RBFOX1: variants seen among roughly 807,000 people sequenced by gnomAD.
RBFOX1 encodes RNA binding protein fox-1 homolog 1.
RBFOX1 carries 8 observed loss-of-function variants against 57.7 expected under a neutral mutation model. That is an observed-to-expected ratio of 0.14 (90% confidence interval 0.08 to 0.25). The LOEUF is 0.25. Ranked by LOEUF, RBFOX1 falls within the 10% of genes least tolerant of loss-of-function variation. RBFOX1 has a pLI of 1.00. For missense variants in RBFOX1, 611 were observed against 548.5 expected (o/e 1.11, Z -1.14); for synonymous variants, 326 against 222.4 (o/e 1.47, Z -4.15).
chr16:7,681,951 A>G (rs1471020380), intron 14 of RBFOX1, among the ~76,000 whole-genome samples: 1 of 152,122 alleles, frequency 6.6e-6, no homozygotes, highest in African/African-American at 2.4e-5. Context: ...ATCTTATTCT[A>G]GTGCCGTATT....
At chr16:5,846,786 G>A (rs1353248408) in intron 3 of RBFOX1, among the ~76,000 whole-genome samples, 2 of 152,212 alleles carry the variant, frequency 1.3e-5, no homozygotes, top group Non-Finnish European at 2.9e-5. Flanking sequence ...GACCACATAG[G>A]TCACTGAAAA....
intron 3 of RBFOX1, among the ~76,000 whole-genome samples, chr16:6,930,667 C>T (rs139781887): frequency 5.6e-4 from 85 of 152,268 alleles, no homozygotes; most frequent in South Asian, 5.2e-3. Flanking sequence ...GCCTTGGCCT[C>T]CCAAGTTGCT....
chr16:6,120,230 A>C (rs1597480826), intron 1 of RBFOX1, among the ~76,000 whole-genome samples: 1 of 152,312 alleles, frequency 6.6e-6, no homozygotes, highest in African/African-American at 2.4e-5. Flanking sequence ...AATAGCTGCT[A>C]TGAATATTTA....
intron 3 of RBFOX1, among the ~76,000 whole-genome samples, chr16:5,753,332 T>A (rs2053279132): frequency 6.6e-6 from 1 of 152,190 alleles, no homozygotes; most frequent in Non-Finnish European, 1.5e-5. Flanking sequence ...ATAAATTGTC[T>A]ATGAATTTTA....
intron 4 of RBFOX1, among the ~76,000 whole-genome samples, chr16:7,243,660 A>T (rs2094164942): frequency 6.6e-6 from 1 of 151,884 alleles, no homozygotes; most frequent in Non-Finnish European, 1.5e-5. Flanking sequence ...TGATCCTCCC[A>T]GCTCAGCCTC....
intron 2 of RBFOX1, among the ~76,000 whole-genome samples, chr16:6,533,149 A>G (rs797012550): frequency 3.9e-5 from 6 of 152,344 alleles, no homozygotes; most frequent in African/African-American, 1.4e-4. Flanking sequence ...CAGTACAGGA[A>G]CAGGAAAGAC....
chr16:6,654,714 G>T, intron 3 of RBFOX1, 64 bp downstream of exon 3: 1 of 1,266,662 alleles, frequency 7.9e-7, no homozygotes, highest in Non-Finnish European at 1.1e-6. Context: ...ATTGAACCCA[G>T]GTGTTTAAGG....
At chr16:6,042,910 A>T (rs2095453615) in intron 1 of RBFOX1, among the ~76,000 whole-genome samples, 1 of 152,100 alleles carries the variant, frequency 6.6e-6, no homozygotes, top group South Asian at 2.1e-4. Context: ...TAAAGACTTG[A>T]AGCTGGTAGA....
rs918740454 is a variant in RBFOX1, at chr16:6,710,905, C to G, written c.-16+56255C>G. ...TGCCAAGTGTCTGAGAAGACTCCTT[C>G]TAGAAGACAGGGAGGGGATGATGGG... is the stretch of plus-strand genomic sequence containing the variant. On this transcript the variant is annotated intron_variant, in intron 3 of 15. Coordinates refer to ENST00000550418, the MANE Select transcript of RBFOX1 (RefSeq NM_018723.4). Among the ~76,000 whole-genome samples the G allele has an allele frequency of 2.6e-5, 4 of 152,178 alleles. 1 individual carries two copies.
intron 3 of RBFOX1, among the ~76,000 whole-genome samples, chr16:5,796,800 T>G (rs1254034488): frequency 2.0e-5 from 3 of 152,170 alleles, no homozygotes; most frequent in Non-Finnish European, 4.4e-5. Context: ...AAACGTGGTG[T>G]TCTCTAACTC....
intron 3 of RBFOX1, among the ~76,000 whole-genome samples, chr16:5,698,516 A>T (rs1025220589): frequency 1.3e-5 from 2 of 152,170 alleles, no homozygotes; most frequent in African/African-American, 4.8e-5. Context: ...TTTTGTACAG[A>T]GCTGCTTTAT....
At chr16:5,578,841 A>ACAC (rs1488617272) in intron 2 of RBFOX1, among the ~76,000 whole-genome samples, 5 of 89,644 alleles carry the variant, frequency 5.6e-5, no homozygotes, top group East Asian at 3.3e-4. Flanking sequence ...ACACACACAC[A>ACAC]CCCTTTTTTT....
intron 4 of RBFOX1, among the ~76,000 whole-genome samples, chr16:7,497,034 C>T (rs1284189393): frequency 1.3e-5 from 2 of 152,118 alleles, no homozygotes; most frequent in African/African-American, 2.4e-5. Flanking sequence ...TGCCTCTCTC[C>T]ATGTCCCCAC....
At chr16:6,463,452 T>C (rs1021290721) in intron 2 of RBFOX1, among the ~76,000 whole-genome samples, 5 of 152,218 alleles carry the variant, frequency 3.3e-5, no homozygotes, top group African/African-American at 1.2e-4. Flanking sequence ...TTCCTTACTT[T>C]AAAAGTTGGG....
At chr16:6,821,182 A>G (rs761767126) in intron 3 of RBFOX1, among the ~76,000 whole-genome samples, 1 of 152,052 alleles carries the variant, frequency 6.6e-6, no homozygotes, top group Non-Finnish European at 1.5e-5. Context: ...GCTGGAAGGC[A>G]CTCCTGGATT....
intron 3 of RBFOX1, among the ~76,000 whole-genome samples, chr16:6,806,993 C>G (rs973001612): frequency 3.3e-5 from 5 of 151,392 alleles, no homozygotes; most frequent in Admixed American, 3.3e-4. Context: ...CTCACCACGT[C>G]CAGCTGATTT....
chr16:6,082,956 G>A (rs2096027433), intron 1 of RBFOX1, among the ~76,000 whole-genome samples: 1 of 152,044 alleles, frequency 6.6e-6, no homozygotes, highest in African/African-American at 2.4e-5. Flanking sequence ...GGGTCGTGCT[G>A]TAATGGGGAA....
chr16:7,489,519 T>A (rs201199730), intron 4 of RBFOX1, among the ~76,000 whole-genome samples: 46,803 of 151,602 alleles, frequency 0.31, 7,356 homozygotes, highest in East Asian at 0.39. Context: ...ATTATTATTT[T>A]TTTTTTGAGA....
chr16:6,981,748 A>T (rs1325428209), intron 3 of RBFOX1, among the ~76,000 whole-genome samples: 1 of 152,130 alleles, frequency 6.6e-6, no homozygotes, highest in Non-Finnish European at 1.5e-5. Flanking sequence ...AGCCCTCATG[A>T]TTCAATTATT....
Sources: gnomAD v4.1 joint callset for allele counts (sites outside exome capture counted in the v4.1 genomes callset) on GRCh38, gnomAD v4.1.1 for gene constraint, MANE v1.5 for transcripts, NCBI Gene and HGNC (gene_info 2026-07-23, HGNC 2026-07-21) for gene names.